Variants in SPATA18 observed in about 807,000 individuals in gnomAD.
The protein encoded by SPATA18 is mitochondria-eating protein.
SPATA18 carries 54 observed loss-of-function variants against 68.1 expected under a neutral mutation model. The observed-to-expected ratio is 0.79, with a 90% CI of 0.64 to 0.99. The LOEUF is 0.99. SPATA18 is among the 50% of genes least tolerant of loss of function. SPATA18 has a pLI of 0.00. For synonymous variants in SPATA18, 242 were observed against 244.8 expected, an observed-to-expected ratio of 0.99 and a Z score of 0.11; for missense variants, 724 against 681.1, an observed-to-expected ratio of 1.06 and a Z score of -0.70.
chr4:52,077,549 A>C (rs1740502812), intron 7 of SPATA18, among the ~76,000 whole-genome samples: 1 of 152,062 alleles, frequency 6.6e-6, no homozygotes, highest in Admixed American at 6.6e-5. Context: ...TATATTGACC[A>C]GGCATTTGTT....
chr4:52,074,301 A>G (rs1740122666), intron 6 of SPATA18, among the ~76,000 whole-genome samples: 1 of 152,184 alleles, frequency 6.6e-6, no homozygotes, highest in Non-Finnish European at 1.5e-5. Context: ...ACAAAGCCAT[A>G]AGAGCCCAGG....
intron 3 of SPATA18, among the ~76,000 whole-genome samples, chr4:52,061,476 A>G (rs551341850): frequency 1.5e-5 from 2 of 134,040 alleles, no homozygotes; most frequent in East Asian, 4.4e-4. Flanking sequence ...GTATCCCAGA[A>G]CCTAAAGTAA....
At chr4:52,065,642 C>T (rs1033350059) in intron 4 of SPATA18, among the ~76,000 whole-genome samples, 8 of 152,168 alleles carry the variant, frequency 5.3e-5, no homozygotes, top group African/African-American at 1.9e-4. Flanking sequence ...TCTCCACATT[C>T]TATGGTAGCC....
At chr4:52,054,206 A>G (rs2109399782) in intron 1 of SPATA18, among the ~76,000 whole-genome samples, 1 of 152,366 alleles carries the variant, frequency 6.6e-6, no homozygotes, top group Non-Finnish European at 1.5e-5. Context: ...AGATAGCCAC[A>G]TGCAGCTCAT....
intron 8 of SPATA18, among the ~76,000 whole-genome samples, chr4:52,079,352 G>A (rs981994856): frequency 6.6e-6 from 1 of 152,058 alleles, no homozygotes; most frequent in African/African-American, 2.4e-5. Context: ...CACAAGACAT[G>A]GCACATAGTT....
At chr4:52,077,082 G>T (rs1740439316) in intron 7 of SPATA18, 42 bp downstream of exon 7, 2 of 1,544,728 alleles carry the variant, frequency 1.3e-6, no homozygotes, top group South Asian at 1.2e-5. Flanking sequence ...TAGGGCAGCC[G>T]GGAGACAAGT....
intron 1 of SPATA18, among the ~76,000 whole-genome samples, chr4:52,055,766 G>A (rs1351426297): frequency 6.6e-6 from 1 of 152,110 alleles, no homozygotes; most frequent in African/African-American, 2.4e-5. Flanking sequence ...CTGAAACTTC[G>A]TGGCCCTTAC....
chr4:52,067,939 A>G (rs751013919), intron 4 of SPATA18, among the ~76,000 whole-genome samples: 1 of 152,196 alleles, frequency 6.6e-6, no homozygotes, highest in African/African-American at 2.4e-5. Context: ...ATGATCAGAT[A>G]TGCAACAAAA....
At chr4:52,094,193 T>C (rs1340265712) in intron 11 of SPATA18, among the ~76,000 whole-genome samples, 3 of 152,210 alleles carry the variant, frequency 2.0e-5, no homozygotes, top group African/African-American at 7.2e-5. Flanking sequence ...TTATGACTTA[T>C]AATTTTTATA....
At position 52,087,962 on chromosome 4, in the gene SPATA18, C is replaced by T. The variant is rs193248352; in HGVS notation, c.1563+2963C>T. 1.4e-4 allele frequency among the ~76,000 whole-genome samples: 21 copies of T among 152,076 alleles called. No homozygotes were observed. In the East Asian group the frequency reaches 2.3e-3, roughly 17 times the overall value. On this transcript the variant is annotated intron_variant, in intron 11 of 12. Transcript: ENST00000295213. ...TGATTTCCTTGAGCAGTGGGTTTGT[C>T]GTTCTCCTTGAAGGGGTCCTTCACA...
Position 52,076,794 on chromosome 4 carries a change from G to T in SPATA18, c.774G>T (p.Arg258=). Residue 258 remains arginine, a synonymous_variant, in exon 7 of 13, where the codon CGG becomes CGT. Transcript: ENST00000295213. ...SALQGRSSRS[R]SPSPAPRSRS... ...TCACCAACAGGTCCTCCAGGAGCCG[G>T]TCTCCCAGCCCTGCCCCTCGCAGCC... 1 of 1,613,536 alleles carries T rather than the reference G, an allele frequency of 6.2e-7. No individual in the cohort carries two copies. Among genetic ancestry groups the T allele is most frequent in the Non-Finnish European group, 8.5e-7 (1 of 1,179,640 alleles).
Position 52,096,528 on chromosome 4 carries a change from A to G in SPATA18, c.*1641A>G, listed in dbSNP as rs1742438066. ...AAGCAGTGAACATAGTACCCTAACT[A>G]TAATATAAAGCAGAAAAAAAGGCAA... On this transcript the variant is annotated 3_prime_UTR_variant, in exon 13 of 13. Coordinates refer to ENST00000295213, the MANE Select transcript of SPATA18 (RefSeq NM_145263.4). The G allele has an allele frequency of 6.6e-6, 1 of 152,172 alleles. No individual in the cohort carries two copies. The highest frequency in any genetic ancestry group is 2.4e-5 in the African/African-American group (1 of 41,442). 9.4% of individuals were successfully genotyped at this position (152,172 alleles called of 1,614,324 possible). A position where few individuals can be genotyped will look rare whatever the true frequency, so the allele number is the denominator to read the frequency against.
At position 52,077,014 on chromosome 4, in the gene SPATA18, C is replaced by A; in HGVS notation, c.994C>A (p.Gln332Lys). 1 of 1,609,118 alleles carries A rather than the reference C, an allele frequency of 6.2e-7. No homozygotes were observed. Among genetic ancestry groups the A allele is most frequent in the African/African-American group, 1.3e-5 (1 of 74,956 alleles). Residue 332 changes from glutamine to lysine, a missense_variant, in exon 7 of 13, where the codon CAG becomes AAG. By Grantham distance (53) the Gln-to-Lys change is moderately conservative. Coordinates refer to ENST00000295213, the MANE Select transcript of SPATA18 (RefSeq NM_145263.4). The stretch of plus-strand genomic sequence containing the variant: ...CTGCATCGACAAGGCTGAGACCGTT[C>A]AGCGGATCATCTACATCGCCACAGT... ...RRCIDKAETV[Q>K]RIIYIATVEA...
intron 3 of SPATA18, among the ~76,000 whole-genome samples, chr4:52,061,487 A>AAATAATAAT (rs3050629): frequency 0.062 from 8,863 of 143,406 alleles, 312 homozygotes; most frequent in Admixed American, 0.099. Context: ...CCTAAAGTAA[A>AAATAATAAT]AATAATAATA....
chr4:52,051,491 A>G lies in SPATA18; in HGVS notation c.-214A>G, dbSNP rs530865269. The G allele has an allele frequency of 7.3e-6, 4 of 549,588 alleles. No homozygotes were observed. Among genetic ancestry groups the G allele is most frequent in the Non-Finnish European group, 9.7e-6 (3 of 308,840 alleles). 34.0% of individuals were successfully genotyped at this position (549,588 alleles called of 1,614,324 possible). Reference sequence around the variant, plus strand: ...AGGAGACCGCGCGGGACGGCGGATGAGGCGCGGCGGCTGCGGCCCAGGGCA... The same window carrying G: ...AGGAGACCGCGCGGGACGGCGGATGGGGCGCGGCGGCTGCGGCCCAGGGCA... On this transcript the variant is annotated 5_prime_UTR_variant, in exon 1 of 13. The change abolishes the stop of an existing upstream ORF in the 5' untranslated region. Coordinates refer to ENST00000295213, the MANE Select transcript of SPATA18 (RefSeq NM_145263.4).
In SPATA18 at chr4:52,051,785, G is replaced by A. The variant is rs1578136537; in HGVS notation, c.81G>A (p.Glu27=). Residue 27 remains glutamate (E), a synonymous_variant, in exon 1 of 13, where the codon GAG becomes GAA. Coordinates refer to ENST00000295213, the MANE Select transcript of SPATA18 (RefSeq NM_145263.4). ...LQEKLDFWLK[E]YNTNTCDQNL... is the part of the protein sequence containing the mutation. ...AAAAGCTAGACTTCTGGCTGAAGGA[G>A]TACAACGTGAGTCTGGGTGAAAAAC... 1 of 1,614,154 alleles carries A rather than the reference G, an allele frequency of 6.2e-7. No individual in the cohort carries two copies. Among genetic ancestry groups the A allele is most frequent in the Non-Finnish European group, 8.5e-7 (1 of 1,179,990 alleles).
At chr4:52,082,950 A>G (rs1034259661) in intron 10 of SPATA18, 1 of 985,260 alleles carries the variant, frequency 1.0e-6, no homozygotes, top group Non-Finnish European at 1.2e-6. Flanking sequence ...CCTTGGTATG[A>G]TGTGTATGGA....
intron 5 of SPATA18, among the ~76,000 whole-genome samples, chr4:52,070,573 T>A (rs907584885): frequency 2.6e-5 from 4 of 151,768 alleles, no homozygotes; most frequent in African/African-American, 4.8e-5. Context: ...TTAGGAGATA[T>A]ACCTAATGCT....
chr4:52,070,170 C>A (rs577102876), intron 5 of SPATA18, among the ~76,000 whole-genome samples: 1 of 151,946 alleles, frequency 6.6e-6, no homozygotes, highest in Admixed American at 6.6e-5. Flanking sequence ...TACCATTTTA[C>A]ATTCTTTCCA....
Sources: gnomAD v4.1 joint callset for allele counts (sites outside exome capture counted in the v4.1 genomes callset) on GRCh38, gnomAD v4.1.1 for gene constraint, MANE v1.5 for transcripts, NCBI Gene and HGNC (gene_info 2026-07-23, HGNC 2026-07-21) for gene names.